Variants in GSG1L observed in about 807,000 individuals in gnomAD.
The protein encoded by GSG1L is GSG1 like.
In GSG1L, 24 loss-of-function variants were observed where a neutral mutation model predicts 42.1. That is an observed-to-expected ratio of 0.57 (90% CI 0.41 to 0.80). The LOEUF (loss-of-function observed/expected upper bound fraction) is 0.80, where lower values mean the gene tolerates loss of function less well. Ranked by LOEUF, GSG1L falls within the 30% of genes least tolerant of loss-of-function variation. GSG1L has a pLI of 0.00. For missense variants in GSG1L, 445 were observed against 472.2 expected (o/e 0.94, Z 0.53); for synonymous variants, 215 against 203.5 (o/e 1.06, Z -0.48).
intron 2 of GSG1L, among the ~76,000 whole-genome samples, chr16:27,891,926 T>C (rs1189495705): frequency 2.2e-5 from 3 of 138,410 alleles, no homozygotes; most frequent in Non-Finnish European, 4.7e-5. Context: ...GGGACTCTGA[T>C]TTCCAGTGAG....
intron 2 of GSG1L, among the ~76,000 whole-genome samples, chr16:27,885,298 C>T (rs1596585049): frequency 6.6e-6 from 1 of 151,924 alleles, no homozygotes. Flanking sequence ...TATGGGAGTG[C>T]GCCACCAAAC....
chr16:27,832,874 T>C (rs60229760), intron 4 of GSG1L, among the ~76,000 whole-genome samples: 5 of 152,368 alleles, frequency 3.3e-5, no homozygotes, highest in African/African-American at 1.2e-4. Context: ...TAGTTCTTTG[T>C]CAGAAATGTG....
chr16:27,907,615 T>C (rs146491257), intron 2 of GSG1L, among the ~76,000 whole-genome samples: 11 of 152,354 alleles, frequency 7.2e-5, no homozygotes, highest in East Asian at 1.9e-4. Flanking sequence ...GGGGTTTTAA[T>C]TGGGGAGCTG....
At chr16:27,972,783 C>A (rs2085207616) in intron 1 of GSG1L, among the ~76,000 whole-genome samples, 1 of 152,200 alleles carries the variant, frequency 6.6e-6, no homozygotes, top group African/African-American at 2.4e-5. Flanking sequence ...GGGTGGAGCC[C>A]ATATATCTTA....
At position 28,063,561 on chromosome 16, in the gene GSG1L, G is replaced by A. The variant is rs2086371649; in HGVS notation, c.-137C>T. 2 of 342,084 alleles carry A rather than the reference G, an allele frequency of 5.8e-6. No homozygotes were observed. The highest frequency in any genetic ancestry group is 1.1e-4 in the South Asian group (1 of 9,210). The allele number at this position is 342,084 out of a possible 1,614,324, so 21.2% of individuals were successfully genotyped here. A position where few individuals can be genotyped will look rare whatever the true frequency, so the allele number is the denominator to read the frequency against. On this transcript the variant is annotated 5_prime_UTR_variant, in exon 1 of 7. Coordinates refer to ENST00000447459, the MANE Select transcript of GSG1L (RefSeq NM_001109763.2). This position sits in a 1 kb window ranked among gnomAD's most constrained non-coding sequence, Gnocchi z 5.8. ...GCCTGAGATCGGCGGCGGCGGACGC[G>A]GCGCGGGCCCATGCCCCCCCCAACC...
intron 2 of GSG1L, among the ~76,000 whole-genome samples, chr16:27,953,984 A>T (rs12922379): frequency 0.42 from 63,848 of 152,078 alleles, 13,656 homozygotes; most frequent in African/African-American, 0.46. Flanking sequence ...CTGGCTTTGG[A>T]ATCAGAGCAG....
intron 2 of GSG1L, among the ~76,000 whole-genome samples, chr16:27,913,327 G>A (rs2084413378): frequency 2.6e-5 from 4 of 152,160 alleles, no homozygotes; most frequent in Non-Finnish European, 5.9e-5. Context: ...CAAGAAAGAG[G>A]TTGCCTTTGA....
chr16:28,001,635 G>T (rs2085578912), intron 1 of GSG1L, among the ~76,000 whole-genome samples: 1 of 152,212 alleles, frequency 6.6e-6, no homozygotes, highest in Non-Finnish European at 1.5e-5. Context: ...CCAGGTCAAA[G>T]CCTCTGATCT....
At chr16:28,043,416 T>C (rs1202004486) in intron 1 of GSG1L, among the ~76,000 whole-genome samples, 1 of 152,202 alleles carries the variant, frequency 6.6e-6, no homozygotes, top group Non-Finnish European at 1.5e-5. Flanking sequence ...GAGGACGAAC[T>C]TTCTAAACTA....
chr16:27,861,996 C>T (rs1037178197), intron 3 of GSG1L, among the ~76,000 whole-genome samples: 2 of 152,172 alleles, frequency 1.3e-5, no homozygotes, highest in African/African-American at 4.8e-5. Flanking sequence ...CCCAAGTGGA[C>T]GGGTTGCACA....
intron 1 of GSG1L, among the ~76,000 whole-genome samples, chr16:27,994,564 G>GCA (rs531467642): frequency 6.6e-6 from 1 of 152,000 alleles, no homozygotes; most frequent in Non-Finnish European, 1.5e-5. Flanking sequence ...GTGCACACAT[G>GCA]CACACACACA....
chr16:27,850,535 T>G, intron 3 of GSG1L: 1 of 455,732 alleles, frequency 2.2e-6, no homozygotes, highest in Non-Finnish European at 4.4e-6. Context: ...AGCCAACATC[T>G]GATATTAAGC....
At chr16:28,028,265 G>A (rs205383) in intron 1 of GSG1L, among the ~76,000 whole-genome samples, 31,425 of 152,026 alleles carry the variant, frequency 0.21, 3,657 homozygotes, top group South Asian at 0.48. Context: ...TACATGAGAA[G>A]TGCCTAGACC....
intron 2 of GSG1L, among the ~76,000 whole-genome samples, chr16:27,906,479 C>T (rs936134662): frequency 6.6e-6 from 1 of 152,122 alleles, no homozygotes; most frequent in African/African-American, 2.4e-5. Context: ...ACCCCGCTTC[C>T]CTGAGGATCT....
chr16:27,820,767 TC>T (rs2083143123), intron 5 of GSG1L, among the ~76,000 whole-genome samples: 1 of 151,608 alleles, frequency 6.6e-6, no homozygotes, highest in Admixed American at 6.6e-5. Context: ...ATCTCCTCTC[TC>T]TTAGAAGATA....
intron 5 of GSG1L, among the ~76,000 whole-genome samples, chr16:27,823,595 C>T (rs2083173000): frequency 6.6e-6 from 1 of 152,114 alleles, no homozygotes; most frequent in Non-Finnish European, 1.5e-5. Context: ...AAAGCCCTCT[C>T]CCACAGATAG....
chr16:27,893,769 A>G (rs2084158508), intron 2 of GSG1L, among the ~76,000 whole-genome samples: 1 of 151,724 alleles, frequency 6.6e-6, no homozygotes, highest in Non-Finnish European at 1.5e-5. Flanking sequence ...ATTTTTTATT[A>G]AGACACAGGG....
chr16:27,869,628 G>T (rs544739991), intron 3 of GSG1L, among the ~76,000 whole-genome samples: 1 of 91,444 alleles, frequency 1.1e-5, no homozygotes, highest in Non-Finnish European at 2.1e-5. Flanking sequence ...TCCTCTCTGC[G>T]TCTCCATCTC....
chr16:27,800,369 C>T (rs781149499), intron 6 of GSG1L, among the ~76,000 whole-genome samples: 7 of 152,178 alleles, frequency 4.6e-5, no homozygotes, highest in Non-Finnish European at 8.8e-5. Flanking sequence ...AAGCCACCTC[C>T]GCGCCCAGCA....
Sources: allele counts gnomAD v4.1 joint callset (sites outside exome capture counted in the v4.1 genomes callset), GRCh38; gene constraint gnomAD v4.1.1; non-coding constraint Gnocchi (gnomAD v3.1); transcripts MANE v1.5; gene names NCBI Gene and HGNC (gene_info 2026-07-23, HGNC 2026-07-21).